Variants in COL9A1 observed in about 807,000 individuals in gnomAD.
COL9A1 encodes the protein collagen alpha-1(IX) chain.
In COL9A1, 104 loss-of-function variants were observed where a neutral mutation model predicts 142.6. The ratio of observed to expected loss-of-function variants is 0.73; its 90% CI spans 0.62 to 0.86. COL9A1 has a LOEUF of 0.86. Ranked by LOEUF, COL9A1 falls within the 40% of genes least tolerant of loss-of-function variation. The probability of loss-of-function intolerance (pLI) is 0.00; values close to 1 mark genes in which losing one functional copy is unlikely to be tolerated. For missense variants in COL9A1, 1,210 were observed against 1,176.6 expected, an observed-to-expected ratio of 1.03 and a Z score of -0.42; for synonymous variants, 466 against 396.0, an observed-to-expected ratio of 1.18 and a Z score of -2.10.
intron 28 of COL9A1, among the ~76,000 whole-genome samples, 195 bp from the exon 29 acceptor site, chr6:70,242,910 G>A (rs1160476027): frequency 6.6e-6 from 1 of 152,176 alleles, no homozygotes; most frequent in African/African-American, 2.4e-5. Context: ...GATTACAGAC[G>A]TTTAGAAATG....
chr6:70,234,299 C>CAAAAAAAAAAAAA (rs1376237848), intron 35 of COL9A1, among the ~76,000 whole-genome samples: 3 of 132,014 alleles, frequency 2.3e-5, no homozygotes, highest in Admixed American at 7.4e-5. Context: ...AAAAACAAAA[C>CAAAAAAAAAAAAA]AAAACAAAAA....
At chr6:70,286,626 A>T (rs999110591) in intron 5 of COL9A1, among the ~76,000 whole-genome samples, 1 of 152,238 alleles carries the variant, frequency 6.6e-6, no homozygotes, top group African/African-American at 2.4e-5. Flanking sequence ...CTCAGATCTC[A>T]TCTTTCCTTT....
chr6:70,281,161 G>A, intron 8 of COL9A1, 122 bp from the exon 9 acceptor site: 1 of 898,140 alleles, frequency 1.1e-6, no homozygotes, highest in South Asian at 1.7e-5. Context: ...AAACGTGGAG[G>A]TTCATGACCA....
At chr6:70,260,630 A>G (rs1293600834) in intron 20 of COL9A1, 27 bp downstream of exon 20, 1 of 1,602,308 alleles carries the variant, frequency 6.2e-7, no homozygotes, top group Non-Finnish European at 8.5e-7. Flanking sequence ...ACATTTTGGT[A>G]TTATATTATT....
At chr6:70,231,739 C>T (rs1243446560) in intron 36 of COL9A1, among the ~76,000 whole-genome samples, 3 of 151,660 alleles carry the variant, frequency 2.0e-5, no homozygotes, top group Non-Finnish European at 2.9e-5. Flanking sequence ...ACAACCCTCT[C>T]TTGTTTCTGA....
chr6:70,223,838 G>A (rs946361012), intron 37 of COL9A1, among the ~76,000 whole-genome samples: 1 of 152,164 alleles, frequency 6.6e-6, no homozygotes, highest in African/African-American at 2.4e-5. Context: ...GTCCAAAAAA[G>A]GAAGGTTACC....
At chr6:70,228,383 T>A (rs551029673) in intron 36 of COL9A1, among the ~76,000 whole-genome samples, 1 of 152,302 alleles carries the variant, frequency 6.6e-6, no homozygotes, top group South Asian at 2.1e-4. Flanking sequence ...TCCTAAATGA[T>A]GTCTGCTGCT....
intron 28 of COL9A1, among the ~76,000 whole-genome samples, chr6:70,247,035 A>G (rs1770651562): frequency 6.6e-6 from 1 of 152,364 alleles, no homozygotes; most frequent in Non-Finnish European, 1.5e-5. Flanking sequence ...AGTGTTAGTT[A>G]TATTGATCTG....
intron 5 of COL9A1, among the ~76,000 whole-genome samples, chr6:70,292,788 T>C (rs1455822732): frequency 6.6e-6 from 1 of 152,202 alleles, no homozygotes; most frequent in Non-Finnish European, 1.5e-5. Flanking sequence ...AGTTCAGTGT[T>C]GTCTGAGAAC....
At chr6:70,227,181 G>A (rs1174776019) in intron 36 of COL9A1, among the ~76,000 whole-genome samples, 1 of 151,946 alleles carries the variant, frequency 6.6e-6, no homozygotes, top group East Asian at 1.9e-4. Context: ...AATGGATCAA[G>A]TATTTTACTG....
At chr6:70,271,830 A>G in intron 13 of COL9A1, 122 bp from the exon 14 acceptor site, 1 of 1,065,834 alleles carries the variant, frequency 9.4e-7, no homozygotes, top group Non-Finnish European at 1.4e-6. Flanking sequence ...TTCCAATGAC[A>G]CAATAACTCA....
chr6:70,260,839 T>C, intron 19 of COL9A1, 129 bp from the exon 20 acceptor site: 1 of 756,086 alleles, frequency 1.3e-6, no homozygotes, highest in Admixed American at 2.4e-5. Flanking sequence ...ATAGTAACTA[T>C]ATATATATAG....
At chr6:70,264,658 T>C (rs922009851) in intron 18 of COL9A1, among the ~76,000 whole-genome samples, 1 of 152,054 alleles carries the variant, frequency 6.6e-6, no homozygotes, top group African/African-American at 2.4e-5. Flanking sequence ...CCATAAACTT[T>C]GGAGTAATAT....
At position 70,232,721 on chromosome 6, in the gene COL9A1, T is replaced by A. The variant is rs373877078; in HGVS notation, c.2365A>T (p.Thr789Ser). 6.2e-7 allele frequency: 1 copy of A among 1,613,938 alleles called. No homozygotes were observed. Reference sequence around the variant, plus strand: ...GGGCCAGGCCTTCCAGGAAGCCCAGTGGCACCTGAGTCTGGACGCTTAAGA... The same window carrying A: ...GGGCCAGGCCTTCCAGGAAGCCCAGAGGCACCTGAGTCTGGACGCTTAAGA... ...ASLKRPDSGA[T>S]GLPGRPGPPG... The change falls in exon 36 of 38, where the codon ACT becomes TCT. Residue 789 changes from threonine to serine, a missense_variant. Thr to Ser is a moderately conservative substitution (Grantham distance 58, BLOSUM62 1). Coordinates refer to ENST00000357250, the MANE Select transcript of COL9A1 (RefSeq NM_001851.6).
At chr6:70,242,425 C>G (rs1165128956) in intron 29 of COL9A1, among the ~76,000 whole-genome samples, 1 of 152,210 alleles carries the variant, frequency 6.6e-6, no homozygotes, top group Non-Finnish European at 1.5e-5. Context: ...AGGCCAAATG[C>G]AGCACTTCAC....
chr6:70,268,365 C>G (rs1186345870), intron 17 of COL9A1, among the ~76,000 whole-genome samples: 1 of 152,064 alleles, frequency 6.6e-6, no homozygotes, highest in East Asian at 1.9e-4. Context: ...CAAGTGCATG[C>G]CACCATGCCT....
At chr6:70,257,849 G>A (rs1412815359) in intron 20 of COL9A1, among the ~76,000 whole-genome samples, 1 of 152,176 alleles carries the variant, frequency 6.6e-6, no homozygotes, top group Non-Finnish European at 1.5e-5. Context: ...GGATTTCTGG[G>A]ACTCTGGATC....
intron 5 of COL9A1, among the ~76,000 whole-genome samples, chr6:70,288,593 T>G (rs1300031944): frequency 6.6e-6 from 1 of 152,152 alleles, no homozygotes; most frequent in Non-Finnish European, 1.5e-5. Flanking sequence ...CTCTCCAACC[T>G]CAATACTTCC....
intron 14 of COL9A1, among the ~76,000 whole-genome samples, chr6:70,270,713 C>T (rs905798880): frequency 3.9e-5 from 6 of 152,184 alleles, no homozygotes; most frequent in African/African-American, 1.2e-4. Context: ...CTAGAGCAAC[C>T]TATACTGCTA....
Sources: allele counts gnomAD v4.1 joint callset (sites outside exome capture counted in the v4.1 genomes callset), GRCh38; gene constraint gnomAD v4.1.1; transcripts MANE v1.5; gene names NCBI Gene and HGNC (gene_info 2026-07-23, HGNC 2026-07-21).